The following EPM2A variants were observed in gnomAD, a reference collection of about 807,000 sequenced individuals.
The protein encoded by EPM2A is laforin.
Under a neutral mutation model 26.5 loss-of-function variants are expected in EPM2A, and 21 were observed. That is an observed-to-expected ratio of 0.79 (90% CI 0.56 to 1.14). EPM2A has a LOEUF of 1.14. Among genes scored for constraint, EPM2A ranks in the 50% most tolerant of loss-of-function variants. The probability of loss-of-function intolerance (pLI) is 0.00; values close to 1 mark genes in which losing one functional copy is unlikely to be tolerated. For synonymous variants in EPM2A, 217 were observed against 177.6 expected (o/e 1.22, Z -1.76); for missense variants, 458 against 440.8 (o/e 1.04, Z -0.35).
At chr6:145,485,966 T>TCTCCCACCAGGTCC (rs1259395747) in intron 4 of EPM2A, among the ~76,000 whole-genome samples, 1 of 152,130 alleles carries the variant, frequency 6.6e-6, no homozygotes, top group Non-Finnish European at 1.5e-5. Flanking sequence ...GATTCGGTTA[T>TCTCCCACCAGGTCC]CTCCCACCAG....
intron 2 of EPM2A, among the ~76,000 whole-genome samples, chr6:145,676,415 T>C (rs1219042216): frequency 2.0e-5 from 3 of 151,568 alleles, no homozygotes; most frequent in Non-Finnish European, 1.5e-5. Flanking sequence ...AGGCAAGAAG[T>C]AACTAAGATC....
At chr6:145,647,267 T>A (rs930045881) in intron 2 of EPM2A, among the ~76,000 whole-genome samples, 10 of 152,162 alleles carry the variant, frequency 6.6e-5, no homozygotes, top group African/African-American at 2.4e-4. Flanking sequence ...TGAACCTCAA[T>A]TTAGGGCAGA....
chr6:145,582,539 T>C (rs1781129997), intron 2 of EPM2A, among the ~76,000 whole-genome samples: 2 of 152,176 alleles, frequency 1.3e-5, no homozygotes, highest in African/African-American at 4.8e-5. Context: ...CCTAATGGGG[T>C]TCCCTTTGTA....
intron 1 of EPM2A, chr6:145,686,748 T>C (rs149438102): frequency 1.1e-3 from 196 of 173,644 alleles, no homozygotes; most frequent in African/African-American, 4.4e-3. Context: ...TAATTATAAA[T>C]AAATGCATTA....
intron 4 of EPM2A, among the ~76,000 whole-genome samples, chr6:145,414,657 A>G (rs906599614): frequency 6.6e-6 from 1 of 151,966 alleles, no homozygotes; most frequent in Non-Finnish European, 1.5e-5. Flanking sequence ...TTAACATCCT[A>G]TTACTCTAAC....
intron 2 of EPM2A, among the ~76,000 whole-genome samples, chr6:145,600,925 C>T (rs1010196519): frequency 2.0e-5 from 3 of 152,212 alleles, no homozygotes; most frequent in African/African-American, 7.2e-5. Context: ...AACAAAGTCT[C>T]CACTGTCCAG....
chr6:145,537,547 G>C (rs1443788122), intron 2 of EPM2A, among the ~76,000 whole-genome samples: 2 of 149,040 alleles, frequency 1.3e-5, no homozygotes, highest in Admixed American at 6.7e-5. Context: ...AAAATATAAA[G>C]ATGGACCTGA....
rs138749290 is a variant in EPM2A, at chr6:145,590,283, G to A, written c.340+44962C>T. Among the ~76,000 whole-genome samples the A allele has an allele frequency of 2.4e-3, 370 of 152,066 alleles. 3 individuals carry two copies. Among genetic ancestry groups the A allele is most frequent in the African/African-American group, 8.4e-3 (347 of 41,478 alleles). On this transcript the variant is annotated intron_variant, in intron 2 of 3. Transcript: ENST00000450221. ...GAAACTCCCCTCACAATTCTGTCAG[G>A]GGAAGAGGGGAGTAGCCATTTTTAA...
At chr6:145,422,161 T>C (rs1273794003) in intron 4 of EPM2A, among the ~76,000 whole-genome samples, 2 of 146,102 alleles carry the variant, frequency 1.4e-5, no homozygotes, top group Non-Finnish European at 3.0e-5. Context: ...ATATAAAATA[T>C]ATTTATATTA....
chr6:145,627,927 G>T (rs1582914266), intron 3 of EPM2A: 1 of 590,950 alleles, frequency 1.7e-6, no homozygotes, highest in East Asian at 2.9e-5. Context: ...CCTTCCCTGG[G>T]TATTGCTGCT....
chr6:145,479,351 G>T (rs1048932455), intron 4 of EPM2A, among the ~76,000 whole-genome samples: 2 of 148,004 alleles, frequency 1.4e-5, no homozygotes, highest in Non-Finnish European at 3.0e-5. Flanking sequence ...GGTATTAATT[G>T]CATTCACAAT....
At chr6:145,636,534 G>A (rs1459945338) in intron 2 of EPM2A, 1 of 152,018 alleles carries the variant, frequency 6.6e-6, no homozygotes, top group African/African-American at 2.4e-5. Flanking sequence ...CAGAACTGAA[G>A]TTTTAGAAAG....
chr6:145,658,804 T>A (rs531327495), intron 2 of EPM2A, among the ~76,000 whole-genome samples: 22 of 152,356 alleles, frequency 1.4e-4, no homozygotes, highest in Middle Eastern at 6.8e-3. Flanking sequence ...ATATTAACTC[T>A]TAGTCTTGTC....
intron 1 of EPM2A, among the ~76,000 whole-genome samples, chr6:145,716,286 C>T (rs1031753319): frequency 6.6e-6 from 1 of 152,112 alleles, no homozygotes; most frequent in East Asian, 1.9e-4. Flanking sequence ...TGGATGAATT[C>T]TATGGTATGT....
intron 2 of EPM2A, among the ~76,000 whole-genome samples, chr6:145,615,852 A>T (rs1028088874): frequency 1.5e-5 from 1 of 65,074 alleles, no homozygotes; most frequent in South Asian, 8.7e-4. Flanking sequence ...GGTATCTGGC[A>T]GAAGAAATTT....
Position 145,434,754 on chromosome 6 carries a change from A to G in EPM2A, c.556-50657T>C, listed in dbSNP as rs1000500920. 2.6e-5 allele frequency among the ~76,000 whole-genome samples: 4 copies of G among 152,182 alleles called. No homozygotes were observed. The East Asian group carries it at 5.8e-4, about 22-fold the overall frequency. ...TCTATTACTCCCAAAGAAACTCCAC[A>G]GTTACTAGCAGCCAATTCTCCCCTT... On this transcript the variant is annotated intron_variant, in intron 4 of 4. Transcript: ENST00000638717.
chr6:145,591,722 A>G lies in EPM2A; in HGVS notation c.340+43523T>C, dbSNP rs527399689. ...CTTCAGAAAGAAAGAAAATGACCTA[A>G]GTCAGAAATTCAGATCTATATAAAG... On this transcript the variant is annotated intron_variant, in intron 2 of 3. Coordinates refer to the EPM2A transcript ENST00000450221. 4.4e-4 allele frequency among the ~76,000 whole-genome samples: 67 copies of G among 152,254 alleles called. 2 individuals are homozygous for G. The South Asian group carries it at 0.014, about 32-fold the overall frequency.
intron 1 of EPM2A, among the ~76,000 whole-genome samples, chr6:145,716,102 C>T (rs190995423): frequency 2.6e-5 from 4 of 152,284 alleles, no homozygotes; most frequent in Admixed American, 2.0e-4. Context: ...GCCAGCACAT[C>T]ACTCCACTCA....
At chr6:145,435,585 T>A (rs1244998609) in intron 4 of EPM2A, among the ~76,000 whole-genome samples, 1 of 151,848 alleles carries the variant, frequency 6.6e-6, no homozygotes, top group Non-Finnish European at 1.5e-5. Context: ...TTTTTTAATT[T>A]ATTTTTTTTA....
Sources: gnomAD v4.1 joint callset for allele counts (sites outside exome capture counted in the v4.1 genomes callset) on GRCh38, gnomAD v4.1.1 for gene constraint, MANE v1.5 for transcripts, NCBI Gene and HGNC (gene_info 2026-07-23, HGNC 2026-07-21) for gene names.